The following ZNF473 variants were observed in gnomAD, a reference collection of about 807,000 sequenced individuals.
ZNF473 encodes zinc finger protein 473.
ZNF473 carries 4 observed loss-of-function variants against 11.1 expected under a neutral mutation model. The ratio of observed to expected loss-of-function variants is 0.36; its 90% CI spans 0.18 to 0.82. The LOEUF is 0.82. Ranked by LOEUF, ZNF473 falls within the 40% of genes least tolerant of loss-of-function variation. The probability of loss-of-function intolerance (pLI) is 0.49; values close to 1 mark genes in which losing one functional copy is unlikely to be tolerated. For synonymous variants in ZNF473, 404 were observed against 390.4 expected (o/e 1.03, Z -0.41); for missense variants, 854 against 1,084.0 (o/e 0.79, Z 2.98).
intron 2 of ZNF473, among the ~76,000 whole-genome samples, chr19:50,031,472 T>A (rs988386134): frequency 2.6e-5 from 4 of 152,194 alleles, no homozygotes; most frequent in African/African-American, 9.7e-5. Flanking sequence ...TTCCAGCAGC[T>A]TCCTTTGCTC....
intron 2 of ZNF473, among the ~76,000 whole-genome samples, chr19:50,038,940 TC>T (rs1160163930): frequency 9.9e-5 from 15 of 152,218 alleles, no homozygotes; most frequent in Non-Finnish European, 1.6e-4. Context: ...TGTGTTAACT[TC>T]GGTTGACATC....
rs760127384 is a variant in ZNF473 at position 50,044,954 on chromosome 19, C to T, written c.511C>T (p.His171Tyr). Residue 171 changes from histidine (H) to tyrosine (Y), a missense_variant, in exon 5 of 5, where the codon CAT becomes TAT. This residue lies in a region of ZNF473 where 668 missense variants were observed against 790.2 expected (regional missense o/e 0.85). Transcript: ENST00000270617. ...TTCCACGGGAGAAGATTCCATGGTG[C>T]ATAATGTTTCTGAAAAGACCCTCAC... ...TVSTGEDSMV[H>Y]NVSEKTLTPA... 1.2e-6 allele frequency: 2 copies of T among 1,614,172 alleles called. No homozygotes were observed. The highest frequency in any genetic ancestry group is 1.6e-4 in the Middle Eastern group (1 of 6,062).
chr19:50,046,399 A>G lies in ZNF473; in HGVS notation c.1956A>G (p.Gly652=). The G allele has an allele frequency of 6.2e-7, 1 of 1,614,234 alleles. No individual in the cohort carries two copies. Residue 652 remains glycine, a synonymous_variant, in exon 5 of 5, where the codon GGA becomes GGG. Coordinates refer to ENST00000270617, the MANE Select transcript of ZNF473 (RefSeq NM_015428.4). The surrounding 1 kb of genome is among the most constrained non-coding windows in gnomAD (Gnocchi z 5.9). The part of the protein sequence containing the change: ...KEHPFKCNEC[G]KTFSHSAHLS... ...ACCCTTTTAAATGTAACGAATGCGG[A>G]AAGACCTTCAGCCACAGTGCACACC... is the stretch of plus-strand genomic sequence containing the variant.
At position 50,038,008 on chromosome 19, in the gene ZNF473, A is replaced by AT. The variant is rs1164586003; in HGVS notation, c.10-1153_10-1152insT. ...ACCGCTGACTAGCCAAATAGTAGAA[A>AT]ATTTTTTTTTTTTTTTTTGAGACAG... On this transcript the variant is annotated intron_variant, in intron 2 of 4. Transcript: ENST00000270617. Among the ~76,000 whole-genome samples, 362 of 39,064 alleles carry AT rather than the reference A, an allele frequency of 9.3e-3. 1 individual carries two copies. Among genetic ancestry groups the AT allele is most frequent in the Middle Eastern group, 0.019 (2 of 108 alleles). 25.6% of individuals were successfully genotyped at this position (39,064 alleles called of 152,430 possible).
At chr19:50,026,782 A>G (rs2077283979) in intron 1 of ZNF473, among the ~76,000 whole-genome samples, 2 of 152,098 alleles carry the variant, frequency 1.3e-5, no homozygotes, top group East Asian at 1.9e-4. Context: ...CAGAGGTTGC[A>G]GTGAGCTGAG....
In ZNF473 at chr19:50,047,892, C is replaced by G. The variant is rs1449535501; in HGVS notation, c.*833C>G. The G allele has an allele frequency of 6.6e-6, 1 of 152,178 alleles. No homozygotes were observed. Among genetic ancestry groups the G allele is most frequent in the Non-Finnish European group, 1.5e-5 (1 of 68,046 alleles). The allele number at this position is 152,178 out of a possible 1,614,324, so 9.4% of individuals were successfully genotyped here. A position where few individuals can be genotyped will look rare whatever the true frequency, so the allele number is the denominator to read the frequency against. ...ACACAGCTGGATTCCATCAGGAAAG[C>G]TGCATTGATCAGGGTGTTAACCGCA... On this transcript the variant is annotated 3_prime_UTR_variant, in exon 5 of 5. Coordinates refer to ENST00000270617, the MANE Select transcript of ZNF473 (RefSeq NM_015428.4).
rs1026470422 is a variant in ZNF473 at position 50,047,905 on chromosome 19, G to C, written c.*846G>C. ...CCATCAGGAAAGCTGCATTGATCAG[G>C]GTGTTAACCGCATATGAAACAACCC... On this transcript the variant is annotated 3_prime_UTR_variant, in exon 5 of 5. Transcript: ENST00000270617. 2 of 152,162 alleles carry C rather than the reference G, an allele frequency of 1.3e-5. No homozygotes were observed. Among genetic ancestry groups the C allele is most frequent in the Non-Finnish European group, 2.9e-5 (2 of 68,038 alleles). 9.4% of individuals were successfully genotyped at this position (152,162 alleles called of 1,614,324 possible).
chr19:50,039,260 G>A lies in ZNF473; in HGVS notation c.109G>A (p.Asp37Asn). Reference sequence around the variant, plus strand: ...GGACACGTTCTGGGACACAGCGTTGGACAATTGCCAGGACCTCTTCCTGCT... The same window carrying A: ...GGACACGTTCTGGGACACAGCGTTGAACAATTGCCAGGACCTCTTCCTGCT... ...QGDTFWDTAL[D>N]NCQDLFLLDP... The change falls in exon 3 of 5, where the codon GAC becomes AAC. Residue 37 changes from aspartate (D) to asparagine (N), a missense_variant. Transcript: ENST00000270617. This position sits in a 1 kb window ranked among gnomAD's most constrained non-coding sequence, Gnocchi z 4.8. 6.2e-7 allele frequency: 1 copy of A among 1,614,100 alleles called. No individual in the cohort carries two copies. Among genetic ancestry groups the A allele is most frequent in the Non-Finnish European group, 8.5e-7 (1 of 1,179,986 alleles).
Position 50,048,445 on chromosome 19 carries a change from T to G in ZNF473, c.*1386T>G, listed in dbSNP as rs1246574416. 1 of 152,266 alleles carries G rather than the reference T, an allele frequency of 6.6e-6. No individual in the cohort carries two copies. Among genetic ancestry groups the G allele is most frequent in the Non-Finnish European group, 1.5e-5 (1 of 68,046 alleles). The allele number at this position is 152,266 out of a possible 1,614,324, so 9.4% of individuals were successfully genotyped here. ...CTCTTGCACCTGGAGTTCTGCTGGT[T>G]AAGTTTGTTAAACTTAGTTGAAACT... On this transcript the variant is annotated 3_prime_UTR_variant, in exon 5 of 5. Coordinates refer to ENST00000270617, the MANE Select transcript of ZNF473 (RefSeq NM_015428.4).
At chr19:50,026,909 C>G (rs1056904821) in intron 1 of ZNF473, among the ~76,000 whole-genome samples, 4 of 152,096 alleles carry the variant, frequency 2.6e-5, no homozygotes, top group African/African-American at 9.7e-5. Context: ...GAATGAGTTA[C>G]CTGAAGTTGG....
At chr19:50,027,429 A>T (rs1429369984) in intron 1 of ZNF473, among the ~76,000 whole-genome samples, 1 of 151,950 alleles carries the variant, frequency 6.6e-6, no homozygotes, top group Non-Finnish European at 1.5e-5. Flanking sequence ...GAAGGGCAAG[A>T]CTCTTGGGCC....
chr19:50,027,597 T>G (rs1314470838), intron 1 of ZNF473, among the ~76,000 whole-genome samples: 1 of 152,022 alleles, frequency 6.6e-6, no homozygotes, highest in East Asian at 1.9e-4. Flanking sequence ...GATCTCAAGC[T>G]CAGCTGTCTG....
intron 1 of ZNF473, among the ~76,000 whole-genome samples, chr19:50,028,969 A>G (rs576998730): frequency 2.6e-5 from 4 of 152,294 alleles, no homozygotes; most frequent in South Asian, 4.1e-4. Context: ...CAGAACAACA[A>G]ATTTTTTTTC....
chr19:50,036,314 C>CT (rs35619461), intron 2 of ZNF473, among the ~76,000 whole-genome samples: 32,684 of 108,692 alleles, frequency 0.3, 6,101 homozygotes, highest in East Asian at 0.61. Context: ...GAGGTGGGGC[C>CT]TTTTTTTTTT....
chr19:50,030,503 G>T (rs1464781207), intron 1 of ZNF473, among the ~76,000 whole-genome samples: 5 of 152,146 alleles, frequency 3.3e-5, no homozygotes, highest in Admixed American at 2.0e-4. Flanking sequence ...GAGCAAGACC[G>T]TGTCTCCAAA....
Position 50,039,315 on chromosome 19 carries a change from A to G in ZNF473, c.136+28A>G, listed in dbSNP as rs1404378093. 2 of 1,612,916 alleles carry G rather than the reference A, an allele frequency of 1.2e-6. No individual in the cohort carries two copies. Among genetic ancestry groups the G allele is most frequent in the Admixed American group, 1.7e-5 (1 of 59,974 alleles). On this transcript the variant is annotated intron_variant, in intron 3 of 4. Transcript: ENST00000270617. This position sits in a 1 kb window ranked among gnomAD's most constrained non-coding sequence, Gnocchi z 4.8. ...GAGTGTTGCCTGTCCCCAGGGGCCT[A>G]CTCACTGCCCTGCTTGGTGATCACC...
rs1368875929 is a variant in ZNF473 at position 50,045,855 on chromosome 19, C to T, written c.1412C>T (p.Pro471Leu). The T allele has an allele frequency of 6.2e-7, 1 of 1,614,082 alleles. No individual in the cohort carries two copies. Among genetic ancestry groups the T allele is most frequent in the South Asian group, 1.1e-5 (1 of 91,078 alleles). Residue 471 changes from proline to leucine, a missense_variant, in exon 5 of 5, where the codon CCC (proline) becomes CTC (leucine). Physicochemically the swap from Pro to Leu is moderately conservative, Grantham distance 98. This residue lies in a region of ZNF473 where 668 missense variants were observed against 790.2 expected (regional missense o/e 0.85). Transcript: ENST00000270617. Reference sequence around the variant, plus strand: ...GAATGCGTCAGGAGTTTCAGCCGGCCCTCACATCTGATGCGACATCAGGCC... The same window carrying T: ...GAATGCGTCAGGAGTTTCAGCCGGCTCTCACATCTGATGCGACATCAGGCC... ...CQECVRSFSRPSHLMRHQAIH... is the reference protein window; with the variant it reads ...CQECVRSFSRLSHLMRHQAIH...
In ZNF473 at chr19:50,046,999, G is replaced by GCT; in HGVS notation, c.2556_2557insCT (p.Cys853LeufsTer38). 6.2e-7 allele frequency: 1 copy of GCT among 1,613,950 alleles called. No homozygotes were observed. Among genetic ancestry groups the GCT allele is most frequent in the Non-Finnish European group, 8.5e-7 (1 of 1,180,028 alleles). On this transcript the variant is annotated frameshift_variant, in exon 5 of 5. Transcript: ENST00000270617. LOFTEE classifies it low-confidence loss of function (END_TRUNC). The surrounding 1 kb of genome is among the most constrained non-coding windows in gnomAD (Gnocchi z 5.9). The stretch of plus-strand genomic sequence containing the variant: ...GTCAACGTTGCCAGAAAGCCTTTCG[G>GCT]TGCCACTCGAGCCTCAGCCGCCATC...
In ZNF473 at chr19:50,030,949, A is replaced by G; in HGVS notation, c.-134A>G. On this transcript the variant is annotated 5_prime_UTR_variant, in exon 2 of 5. An upstream start codon of the reference 5' UTR is lost. Coordinates refer to ENST00000270617, the MANE Select transcript of ZNF473 (RefSeq NM_015428.4). The stretch of plus-strand genomic sequence containing the variant: ...CTGGACATTTTGGGGGCTCGTCAGC[A>G]TGGACAGCGAGTCAGCCATGGGTGG... 1 of 1,338,932 alleles carries G rather than the reference A, an allele frequency of 7.5e-7. No individual in the cohort carries two copies. The highest frequency in any genetic ancestry group is 2.5e-5 in the East Asian group (1 of 39,848). The allele number at this position is 1,338,932 out of a possible 1,614,324, so 82.9% of individuals were successfully genotyped here. A position where few individuals can be genotyped will look rare whatever the true frequency, so the allele number is the denominator to read the frequency against.
Sources: gnomAD v4.1 joint callset for allele counts (sites outside exome capture counted in the v4.1 genomes callset) on GRCh38, gnomAD v4.1.1 for gene constraint, gnomAD v4.1.1 regional missense constraint, Gnocchi (gnomAD v3.1) non-coding constraint, MANE v1.5 for transcripts, NCBI Gene and HGNC (gene_info 2026-07-23, HGNC 2026-07-21) for gene names.